The following NRAP variants were observed in gnomAD, a reference collection of about 807,000 sequenced individuals.
NRAP encodes the protein nebulin-related-anchoring protein.
Under a neutral mutation model 225.9 loss-of-function variants are expected in NRAP, and 189 were observed. That is an observed-to-expected ratio of 0.84 (90% CI 0.74 to 0.94). The LOEUF is 0.94. Among genes scored for constraint, NRAP ranks in the 40% least tolerant of loss-of-function variants. The pLI is 0.00. For synonymous variants in NRAP, 769 were observed against 790.7 expected (o/e 0.97, Z 0.46); for missense variants, 2,176 against 2,168.7 (o/e 1.00, Z -0.07).
intron 3 of NRAP, among the ~76,000 whole-genome samples, 195 bp downstream of exon 3, chr10:113,662,484 C>T (rs936311005): frequency 1.3e-5 from 2 of 152,170 alleles, no homozygotes; most frequent in Non-Finnish European, 2.9e-5. Context: ...GACAGGGTCT[C>T]ACTATGTTGC....
At chr10:113,589,601 A>T in intron 41 of NRAP, 65 bp downstream of exon 41, 1 of 1,556,492 alleles carries the variant, frequency 6.4e-7, no homozygotes, top group Non-Finnish European at 8.7e-7. Flanking sequence ...TTTGAAAAGA[A>T]ACAATGAGTT....
chr10:113,610,424 T>C (rs773370504), intron 31 of NRAP, 35 bp downstream of exon 31: 3 of 939,112 alleles, frequency 3.2e-6, no homozygotes, highest in South Asian at 2.7e-5. Context: ...GCTGTGGAAA[T>C]GTCCTGGACA....
rs1564734474 is a variant in NRAP, at chr10:113,629,568, CT to C, written c.2040+19del. ...AACTGCAAGAGATGCATGAAGAGAA[CT>C]GATAATGTGTGGGCTCACCTCGCTC... On this transcript the variant is annotated intron_variant, in intron 19 of 41. Coordinates refer to ENST00000359988, the MANE Select transcript of NRAP (RefSeq NM_198060.4). 1 of 1,550,484 alleles carries C rather than the reference CT, an allele frequency of 6.4e-7. No homozygotes were observed. Among genetic ancestry groups the C allele is most frequent in the South Asian group, 1.1e-5 (1 of 89,766 alleles).
Position 113,605,787 on chromosome 10 carries a change from C to T in NRAP, c.3890G>A (p.Arg1297Gln), listed in dbSNP as rs762294938. The part of the protein sequence containing the change: ...TIEALPFQAA[R>Q]ASGDIASDFL... ...ATCACTGGCTATATCTCCAGAGGCC[C>T]GGGCAGCCTGGAAGGGGAGCGCTTC... Residue 1297 changes from arginine to glutamine, a missense_variant, in exon 34 of 42, where the codon CGG becomes CAG. Physicochemically the swap from Arg to Gln is conservative, Grantham distance 43. Transcript: ENST00000359988. 2 of 1,613,600 alleles carry T rather than the reference C, an allele frequency of 1.2e-6. No individual in the cohort carries two copies. The highest frequency in any genetic ancestry group is 1.7e-6 in the Non-Finnish European group (2 of 1,179,500).
At chr10:113,663,497 CA>C in intron 1 of NRAP, 51 bp from the exon 2 acceptor site, 1 of 1,139,318 alleles carries the variant, frequency 8.8e-7, no homozygotes, top group Non-Finnish European at 1.3e-6. Context: ...CCCCCAGACT[CA>C]AGGTTCTTAT....
At chr10:113,623,859 A>G (rs192134604) in intron 22 of NRAP, among the ~76,000 whole-genome samples, 105 of 152,148 alleles carry the variant, frequency 6.9e-4, no homozygotes, top group Middle Eastern at 3.4e-3. Context: ...CAGAAATTAA[A>G]CTCCAGAAGC....
intron 4 of NRAP, among the ~76,000 whole-genome samples, chr10:113,655,392 T>C (rs891357370): frequency 1.3e-5 from 2 of 150,840 alleles, no homozygotes; most frequent in Non-Finnish European, 3.0e-5. Context: ...AAATTTGCAA[T>C]AGAAAAAAAA....
chr10:113,638,009 G>A (rs1189139569), intron 14 of NRAP, among the ~76,000 whole-genome samples: 1 of 152,156 alleles, frequency 6.6e-6, no homozygotes, highest in Admixed American at 6.5e-5. Flanking sequence ...GACATGGGGT[G>A]TGTAGAGAAA....
At chr10:113,595,511 G>C (rs571574975) in intron 38 of NRAP, 112 bp downstream of exon 38, 2 of 668,148 alleles carry the variant, frequency 3.0e-6, no homozygotes, top group Middle Eastern at 2.5e-4. Context: ...TGTCCTTTCT[G>C]TTCCAAGTCC....
chr10:113,610,505 G>T lies in NRAP; in HGVS notation c.3557C>A (p.Thr1186Lys). 1 of 1,604,436 alleles carries T rather than the reference G, an allele frequency of 6.2e-7. No individual in the cohort carries two copies. The highest frequency in any genetic ancestry group is 1.7e-4 in the Middle Eastern group (1 of 6,042). Residue 1186 changes from threonine to lysine, a missense_variant, in exon 31 of 42, where the codon ACG becomes AAG. By Grantham distance (78) the Thr-to-Lys change is moderately conservative. Around this residue, in one of 3 missense-constraint regions of NRAP, gnomAD observed 1,708 missense variants for 1,695.5 expected, o/e 1.01. Coordinates refer to ENST00000359988, the MANE Select transcript of NRAP (RefSeq NM_198060.4). Reference protein sequence around the residue: ...MRGVACVIPGTLEIEGRKKAS... With the variant: ...MRGVACVIPGKLEIEGRKKAS... The stretch of plus-strand genomic sequence containing the variant: ...TTTCTTCCTCCCTTCAATCTCTAAC[G>T]TGCCTGGAATGACACATGCAACACC...
Position 113,612,385 on chromosome 10 carries a change from A to C in NRAP, c.3347T>G (p.Leu1116Arg), listed in dbSNP as rs776054340. The C allele has an allele frequency of 6.2e-7, 1 of 1,614,110 alleles. No individual in the cohort carries two copies. Among genetic ancestry groups the C allele is most frequent in the African/African-American group, 1.3e-5 (1 of 74,946 alleles). The change falls in exon 30 of 42, where the codon CTG becomes CGG. Residue 1116 changes from leucine (L) to arginine (R), a missense_variant. Transcript: ENST00000359988. ...GFEHSKAQFH[L>R]PLDMAALVHA... The stretch of plus-strand genomic sequence containing the variant: ...CACCAGGGCGGCCATGTCCAACGGC[A>C]GATGGAACTGCGCCTTTGAGTGTTC...
At chr10:113,647,292 G>A (rs1849575007) in intron 9 of NRAP, among the ~76,000 whole-genome samples, 2 of 152,100 alleles carry the variant, frequency 1.3e-5, no homozygotes, top group Non-Finnish European at 2.9e-5. Context: ...AGATAAATCA[G>A]ACACTCTACC....
chr10:113,596,815 T>C (rs1051621987), intron 37 of NRAP, among the ~76,000 whole-genome samples: 1 of 152,230 alleles, frequency 6.6e-6, no homozygotes, highest in African/African-American at 2.4e-5. Flanking sequence ...CCTCATTTAA[T>C]TCATTTAATC....
At chr10:113,600,552 C>T (rs902417770) in intron 35 of NRAP, among the ~76,000 whole-genome samples, 1 of 152,174 alleles carries the variant, frequency 6.6e-6, no homozygotes, top group Admixed American at 6.5e-5. Context: ...GCAGAGCCAC[C>T]AGCTGCCATA....
Position 113,623,621 on chromosome 10 carries a change from T to C in NRAP, c.2365A>G (p.Ser789Gly). The change falls in exon 23 of 42, where the codon AGC becomes GGC. Residue 789 changes from serine (S) to glycine (G), a missense_variant. By Grantham distance (56) the Ser-to-Gly change is moderately conservative. Coordinates refer to ENST00000359988, the MANE Select transcript of NRAP (RefSeq NM_198060.4). Reference sequence around the variant, plus strand: ...CCTTTTGCTTTCTGGTTTTCCCAGCTGCTCTTATACAGTTTCTAAGGGGAT... The same window carrying C: ...CCTTTTGCTTTCTGGTTTTCCCAGCCGCTCTTATACAGTTTCTAAGGGGAT... ...ANLSEKLYKS[S>G]WENQKAKGFE... 1 of 1,613,678 alleles carries C rather than the reference T, an allele frequency of 6.2e-7. No homozygotes were observed. Among genetic ancestry groups the C allele is most frequent in the Non-Finnish European group, 8.5e-7 (1 of 1,179,596 alleles).
intron 9 of NRAP, among the ~76,000 whole-genome samples, chr10:113,647,687 G>GGTGGTACTGCCTCCCCAA (rs1564753135): frequency 6.7e-6 from 1 of 149,826 alleles, no homozygotes; most frequent in African/African-American, 2.5e-5. Flanking sequence ...TGTCTCCCCC[G>GGTGGTACTGCCTCCCCAA]GTGGTACTGT....
At chr10:113,611,853 T>A (rs1007442693) in intron 30 of NRAP, among the ~76,000 whole-genome samples, 1 of 152,214 alleles carries the variant, frequency 6.6e-6, no homozygotes, top group Non-Finnish European at 1.5e-5. Flanking sequence ...GGCATCTTTG[T>A]CATTCAAACC....
At position 113,663,737 on chromosome 10, in the gene NRAP, C is replaced by G. The variant is rs966025688; in HGVS notation, c.72+74G>C. On this transcript the variant is annotated intron_variant, in intron 1 of 41. Coordinates refer to ENST00000359988, the MANE Select transcript of NRAP (RefSeq NM_198060.4). ...ACTGAAAATTAAATTTCCATATTTA[C>G]CTATGTCCATATGTGAGAAGGTCAA... is the stretch of plus-strand genomic sequence containing the variant. The G allele has an allele frequency of 6.1e-5, 62 of 1,019,712 alleles. No individual in the cohort carries two copies. In the Admixed American group the frequency reaches 1.1e-3, roughly 18 times the overall value. 63.2% of individuals were successfully genotyped at this position (1,019,712 alleles called of 1,614,324 possible). A position where few individuals can be genotyped will look rare whatever the true frequency, so the allele number is the denominator to read the frequency against.
In NRAP at chr10:113,641,409, T is replaced by C. The variant is rs777957635; in HGVS notation, c.1279A>G (p.Arg427Gly). 1.1e-5 allele frequency: 17 copies of C among 1,613,946 alleles called. No individual in the cohort carries two copies. The highest frequency in any genetic ancestry group is 1.4e-5 in the Non-Finnish European group (17 of 1,179,932). ...ACTTTCATAGCATGCAGAGTGCGTC[T>C]GTCCATACCAACTCCTTCATAGCGG... ...RGRYEGVGMD[R>G]RTLHAMKVGS... is the part of the protein sequence containing the mutation. Residue 427 changes from arginine to glycine, a missense_variant, in exon 13 of 42, where the codon AGA becomes GGA. By Grantham distance (125) the Arg-to-Gly change is moderately radical (BLOSUM62 -2). Transcript: ENST00000359988.
Sources: allele counts gnomAD v4.1 joint callset (sites outside exome capture counted in the v4.1 genomes callset), GRCh38; gene constraint gnomAD v4.1.1; regional missense constraint gnomAD v4.1.1; transcripts MANE v1.5; gene names NCBI Gene and HGNC (gene_info 2026-07-23, HGNC 2026-07-21).